ESRRG: variants seen among roughly 807,000 people sequenced by gnomAD.
ESRRG encodes estrogen-related receptor gamma.
ESRRG carries 13 observed loss-of-function variants against 44.0 expected under a neutral mutation model. That is an observed-to-expected ratio of 0.30 (90% confidence interval 0.19 to 0.47). ESRRG has a LOEUF of 0.47. ESRRG is among the 20% of genes least tolerant of loss of function. The pLI is 1.00. For synonymous variants in ESRRG, 215 were observed against 214.6 expected (o/e 1.00, Z -0.02); for missense variants, 395 against 580.6 (o/e 0.68, Z 3.29).
chr1:216,994,817 C>T (rs2076174908), intron 1 of ESRRG, among the ~76,000 whole-genome samples: 1 of 152,038 alleles, frequency 6.6e-6, no homozygotes, highest in Non-Finnish European at 1.5e-5. Flanking sequence ...GATCTCCTGA[C>T]CTCGTGATCC....
chr1:216,873,178 G>C (rs1389392526), intron 2 of ESRRG, among the ~76,000 whole-genome samples: 1 of 151,310 alleles, frequency 6.6e-6, no homozygotes, highest in Non-Finnish European at 1.5e-5. Flanking sequence ...CACTCCACTG[G>C]GGAGCCCAGG....
intron 1 of ESRRG, among the ~76,000 whole-genome samples, chr1:216,677,763 G>C (rs928752076): frequency 5.9e-5 from 9 of 152,140 alleles, no homozygotes; most frequent in African/African-American, 2.2e-4. Context: ...TTACAACAAA[G>C]GGCCCAGACA....
intron 1 of ESRRG, chr1:216,686,145 A>G (rs2077898666): frequency 6.6e-6 from 1 of 152,200 alleles, no homozygotes; most frequent in South Asian, 2.1e-4. Context: ...TGGGTGATCT[A>G]TAGCAGAGGT....
chr1:216,963,391 G>T (rs1323883623), intron 1 of ESRRG, among the ~76,000 whole-genome samples: 1 of 152,004 alleles, frequency 6.6e-6, no homozygotes, highest in African/African-American at 2.4e-5. Context: ...ACACTTTTTG[G>T]TGCCACCCGG....
At chr1:216,662,936 G>T (rs944514065) in intron 2 of ESRRG, among the ~76,000 whole-genome samples, 1 of 152,170 alleles carries the variant, frequency 6.6e-6, no homozygotes, top group African/African-American at 2.4e-5. Context: ...GCCATCTCTT[G>T]TCTAAACCAT....
intron 2 of ESRRG, among the ~76,000 whole-genome samples, chr1:216,766,607 T>C (rs2093090811): frequency 6.6e-6 from 1 of 152,148 alleles, no homozygotes; most frequent in Non-Finnish European, 1.5e-5. Context: ...CTCAACACTT[T>C]GGAATTCTGT....
intron 1 of ESRRG, among the ~76,000 whole-genome samples, chr1:216,976,038 T>A (rs1319248151): frequency 2.6e-5 from 4 of 152,164 alleles, no homozygotes; most frequent in African/African-American, 9.7e-5. Flanking sequence ...GGCTGAAGTT[T>A]CCTTCAGAGC....
At chr1:216,711,651 G>T (rs1448251208) in intron 1 of ESRRG, among the ~76,000 whole-genome samples, 1 of 152,120 alleles carries the variant, frequency 6.6e-6, no homozygotes, top group Non-Finnish European at 1.5e-5. Context: ...AGACATATCA[G>T]ATAAATGTAA....
At chr1:216,992,135 G>A (rs148770830) in intron 1 of ESRRG, among the ~76,000 whole-genome samples, 277 of 152,286 alleles carry the variant, frequency 1.8e-3, no homozygotes, top group African/African-American at 4.4e-3. Context: ...GGGAATGGGG[G>A]CTTCACCTTG....
intron 1 of ESRRG, among the ~76,000 whole-genome samples, chr1:216,977,305 G>A (rs1431422543): frequency 1.4e-5 from 2 of 144,948 alleles, no homozygotes; most frequent in Non-Finnish European, 3.0e-5. Flanking sequence ...CTTACAAATG[G>A]GAGACTACAC....
chr1:217,002,377 T>C (rs10863287), intron 1 of ESRRG, among the ~76,000 whole-genome samples: 13,297 of 151,038 alleles, frequency 0.088, 1,572 homozygotes, highest in African/African-American at 0.27. Flanking sequence ...ATTATGCACA[T>C]TGTATAATAT....
intron 1 of ESRRG, among the ~76,000 whole-genome samples, chr1:216,954,602 A>G (rs1230406799): frequency 6.6e-6 from 1 of 152,326 alleles, no homozygotes; most frequent in Admixed American, 6.5e-5. Context: ...TGAGTCAAAG[A>G]TCATGCCTTG....
intron 1 of ESRRG, among the ~76,000 whole-genome samples, chr1:216,948,578 TTATC>T (rs922910763): frequency 6.6e-6 from 1 of 151,834 alleles, no homozygotes. Flanking sequence ...TATTTCCAGA[TTATC>T]TACTATATAT....
intron 1 of ESRRG, among the ~76,000 whole-genome samples, chr1:217,099,188 T>TG (rs1490179043): frequency 6.6e-6 from 1 of 152,188 alleles, no homozygotes; most frequent in Non-Finnish European, 1.5e-5. Context: ...TCCTAATGAA[T>TG]GACTGGATAA....
At position 217,026,412 on chromosome 1, in the gene ESRRG, A is replaced by T. The variant is rs57005963; in HGVS notation, c.-106+63095T>A. Among the ~76,000 whole-genome samples, 1,502 of 152,296 alleles carry T rather than the reference A, an allele frequency of 9.9e-3. 21 individuals are homozygous for T. Among genetic ancestry groups the T allele is most frequent in the African/African-American group, 0.029 (1,213 of 41,560 alleles). On this transcript the variant is annotated intron_variant, in intron 1 of 7. Transcript: ENST00000359162. ...AAATGGCAAGAGTTTTGAAGACACC[A>T]CTCACAGTTAACTAAAGAATAGGTA...
At chr1:216,699,627 T>C (rs1445859627) in intron 1 of ESRRG, among the ~76,000 whole-genome samples, 1 of 152,116 alleles carries the variant, frequency 6.6e-6, no homozygotes, top group South Asian at 2.1e-4. Context: ...TCATTGTTCC[T>C]TAACTAATGC....
intron 3 of ESRRG, among the ~76,000 whole-genome samples, chr1:216,604,045 AAAAG>A (rs1400987287): frequency 6.6e-6 from 1 of 152,162 alleles, no homozygotes; most frequent in Non-Finnish European, 1.5e-5. Context: ...GCGTGACATT[AAAAG>A]AAAGAGTGTA....
At chr1:216,762,001 C>T (rs1410753261) in intron 2 of ESRRG, among the ~76,000 whole-genome samples, 6 of 152,098 alleles carry the variant, frequency 3.9e-5, no homozygotes, top group African/African-American at 1.4e-4. Flanking sequence ...CAACACTTTG[C>T]CAAGTGCTTT....
At chr1:216,547,201 G>A (rs1339498734) in intron 5 of ESRRG, among the ~76,000 whole-genome samples, 1 of 151,900 alleles carries the variant, frequency 6.6e-6, no homozygotes, top group Non-Finnish European at 1.5e-5. Context: ...TCAGTATCAG[G>A]CCTGGCACCT....
Sources: gnomAD v4.1 joint callset for allele counts (sites outside exome capture counted in the v4.1 genomes callset) on GRCh38, gnomAD v4.1.1 for gene constraint, MANE v1.5 for transcripts, NCBI Gene and HGNC (gene_info 2026-07-23, HGNC 2026-07-21) for gene names.